DIDO1: variants seen among roughly 807,000 people sequenced by gnomAD.
The protein encoded by DIDO1 is death inducer-obliterator 1.
DIDO1 carries 16 observed loss-of-function variants against 99.4 expected under a neutral mutation model. The ratio of observed to expected loss-of-function variants is 0.16; its 90% CI spans 0.11 to 0.24. DIDO1 has a LOEUF of 0.24. Among genes scored for constraint, DIDO1 ranks in the 10% least tolerant of loss-of-function variants. The pLI is 1.00. For synonymous variants in DIDO1, 1,366 were observed against 1,239.1 expected, an observed-to-expected ratio of 1.10 and a Z score of -2.15; for missense variants, 2,996 against 3,014.0, an observed-to-expected ratio of 0.99 and a Z score of 0.14.
chr20:62,916,618 T>A (rs2065043086), intron 1 of DIDO1, among the ~76,000 whole-genome samples: 1 of 152,204 alleles, frequency 6.6e-6, no homozygotes. Context: ...GTGGCCCTGT[T>A]GTACATTTTT....
At chr20:62,903,293 A>C (rs1436765457) in intron 6 of DIDO1, among the ~76,000 whole-genome samples, 1 of 152,206 alleles carries the variant, frequency 6.6e-6, no homozygotes, top group Admixed American at 6.5e-5. Flanking sequence ...GTTGGACAGG[A>C]ACCCCCAGGT....
chr20:62,911,473 G>T lies in DIDO1; in HGVS notation c.140C>A (p.Pro47Gln). The T allele has an allele frequency of 1.2e-6, 2 of 1,612,350 alleles. No homozygotes were observed. The highest frequency in any genetic ancestry group is 1.7e-6 in the Non-Finnish European group (2 of 1,179,332). Residue 47 changes from proline (P) to glutamine (Q), a missense_variant, in exon 3 of 16, where the codon CCA becomes CAA. By Grantham distance (76) the Pro-to-Gln change is moderately conservative. Coordinates refer to ENST00000395343, the MANE Select transcript of DIDO1 (RefSeq NM_001193369.2). The surrounding 1 kb of genome is among the most constrained non-coding windows in gnomAD (Gnocchi z 7.0). ...CTGCTGTGGGGGTGGCGGCTCCAGT[G>T]GGTCAGCCTCCGCGTCCCCTGCGCC... Reference protein sequence around the residue: ...REGAGDAEADPLEPPPPQQQL... With the variant: ...REGAGDAEADQLEPPPPQQQL...
chr20:62,880,743 G>A lies in DIDO1; in HGVS notation c.5213C>T (p.Pro1738Leu), dbSNP rs140884757. 6 of 1,612,604 alleles carry A rather than the reference G, an allele frequency of 3.7e-6. No homozygotes were observed. The highest frequency in any genetic ancestry group is 2.2e-5 in the East Asian group (1 of 44,874). The change falls in exon 16 of 16, where the codon CCA (proline) becomes CTA (leucine). Residue 1738 changes from proline (P) to leucine (L), a missense_variant. Pro to Leu is a moderately conservative substitution (Grantham distance 98). This residue lies in a region of DIDO1 where 1,562 missense variants were observed against 1,412.6 expected (regional missense o/e 1.11). Coordinates refer to ENST00000395343, the MANE Select transcript of DIDO1 (RefSeq NM_001193369.2). ...AGAGCCCCCCACTTTCTGTCCTGGT[G>A]GGGGGAGCGGGGCGGTGCCCTCGCC... ...RPGEGTAPLP[P>L]PGQKVGGSQP...
chr20:62,924,695 C>A (rs1601038269), intron 1 of DIDO1, among the ~76,000 whole-genome samples: 1 of 152,208 alleles, frequency 6.6e-6, no homozygotes, highest in Non-Finnish European at 1.5e-5. Flanking sequence ...CCTAGACAAG[C>A]CTTTGCGAGG....
rs1288680710 is a variant in DIDO1, at chr20:62,880,391, G to A, written c.5565C>T (p.Phe1855=). ...RKDPHGEKRE[F]QDAPYNEVTG... is the part of the protein sequence containing the mutation. ...TCACCTCGTTATACGGGGCGTCCTG[G>A]AACTCCCTCTTCTCCCCATGGGGAT... Residue 1855 remains phenylalanine (F), a synonymous_variant, in exon 16 of 16, where the codon TTC becomes TTT. Coordinates refer to ENST00000395343, the MANE Select transcript of DIDO1 (RefSeq NM_001193369.2). 2.9e-5 allele frequency: 47 copies of A among 1,612,742 alleles called. No individual in the cohort carries two copies. In the Admixed American group the frequency reaches 7.8e-4, roughly 27 times the overall value.
Position 62,894,369 on chromosome 20 carries a change from G to A in DIDO1, c.2572+44C>T. The stretch of plus-strand genomic sequence containing the variant: ...GTTCAGTGATTTTTAACAAAATCAA[G>A]TTTAGTCTCAGCTCCAAGGCTCCAT... On this transcript the variant is annotated intron_variant, in intron 11 of 15. Coordinates refer to ENST00000395343, the MANE Select transcript of DIDO1 (RefSeq NM_001193369.2). This position sits in a 1 kb window ranked among gnomAD's most constrained non-coding sequence, Gnocchi z 4.4. The A allele has an allele frequency of 6.3e-7, 1 of 1,597,152 alleles. No homozygotes were observed. Among genetic ancestry groups the A allele is most frequent in the Non-Finnish European group, 8.5e-7 (1 of 1,172,864 alleles).
intron 6 of DIDO1, chr20:62,905,530 G>A: frequency 1.3e-6 from 2 of 1,551,032 alleles, no homozygotes; most frequent in Non-Finnish European, 1.7e-6. Context: ...AGACAGGGGT[G>A]GATGTGGCGT....
chr20:62,884,169 A>T (rs1432094366), intron 15 of DIDO1, among the ~76,000 whole-genome samples: 1 of 151,826 alleles, frequency 6.6e-6, no homozygotes, highest in Non-Finnish European at 1.5e-5. Flanking sequence ...CAGGTGGACG[A>T]CGCGCACTGG....
chr20:62,930,832 A>G (rs541763130), upstream of DIDO1, among the ~76,000 whole-genome samples: 9 of 152,392 alleles, frequency 5.9e-5, no homozygotes, highest in Non-Finnish European at 1.0e-4. Context: ...AACTGACAAC[A>G]ATATCCACAA....
At position 62,883,049 on chromosome 20, in the gene DIDO1, G is replaced by A. The variant is rs530866231; in HGVS notation, c.3542-635C>T. Among the ~76,000 whole-genome samples, 22 of 147,690 alleles carry A rather than the reference G, an allele frequency of 1.5e-4. No homozygotes were observed. The South Asian group carries it at 4.5e-3, about 30-fold the overall frequency. On this transcript the variant is annotated intron_variant, in intron 15 of 15. Transcript: ENST00000395343. The stretch of plus-strand genomic sequence containing the variant: ...GAGAATTCTCCTGTCTCAGCCTCCT[G>A]AGTAGCTGGGATTACAGGCATGCAC...
In DIDO1 at chr20:62,894,438, G is replaced by A. The variant is rs761209967; in HGVS notation, c.2547C>T (p.Phe849=). 90 of 1,612,914 alleles carry A rather than the reference G, an allele frequency of 5.6e-5. No individual in the cohort carries two copies. Among genetic ancestry groups the A allele is most frequent in the Admixed American group, 3.3e-5 (2 of 60,008 alleles). Residue 849 remains phenylalanine (F), a synonymous_variant, in exon 11 of 16, where the codon TTC becomes TTT. Coordinates refer to ENST00000395343, the MANE Select transcript of DIDO1 (RefSeq NM_001193369.2). This position sits in a 1 kb window ranked among gnomAD's most constrained non-coding sequence, Gnocchi z 4.4. The stretch of plus-strand genomic sequence containing the variant: ...CTGTGCAAATTTTACAGTTGAGATC[G>A]AAGAGGTGTGCGCGGTGCTGACTGG... ...DTTSQHRAHL[F]DLNCKICTGQ...
upstream of DIDO1, chr20:62,929,441 C>T (rs1485300137): frequency 6.6e-6 from 1 of 152,176 alleles, no homozygotes; most frequent in African/African-American, 2.4e-5. Flanking sequence ...TCTGCCGAGG[C>T]AGGATGGAGG....
chr20:62,888,944 T>TA (rs2064345178), intron 15 of DIDO1: 3 of 985,502 alleles, frequency 3.0e-6, no homozygotes, highest in Admixed American at 1.2e-4. Flanking sequence ...CACTAGCTGT[T>TA]ACTTTTCTAA....
chr20:62,886,941 A>C (rs1365119210), intron 15 of DIDO1, among the ~76,000 whole-genome samples: 1 of 152,210 alleles, frequency 6.6e-6, no homozygotes, highest in Non-Finnish European at 1.5e-5. Flanking sequence ...CCCTTGTTCC[A>C]ACTGGGAATC....
At position 62,882,011 on chromosome 20, in the gene DIDO1, C is replaced by T; in HGVS notation, c.3945G>A (p.Glu1315=). Residue 1315 remains glutamate (E), a synonymous_variant, in exon 16 of 16, where the codon GAG becomes GAA. Coordinates refer to ENST00000395343, the MANE Select transcript of DIDO1 (RefSeq NM_001193369.2). The part of the protein sequence containing the change: ...SSASKTASPL[E]HILQTLFGKK... ...TTCCAAAGAGAGTCTGCAGGATGTG[C>T]TCCAGCGGTGATGCTGTTTTGGAAG... 6.2e-7 allele frequency: 1 copy of T among 1,613,528 alleles called. No individual in the cohort carries two copies.
intron 15 of DIDO1, chr20:62,889,017 T>C (rs1447752198): frequency 8.1e-6 from 8 of 985,380 alleles, no homozygotes; most frequent in African/African-American, 5.2e-5. Flanking sequence ...TCAAAGTCCC[T>C]GGGGCTTTTG....
rs941478539 is a variant in DIDO1, at chr20:62,901,805, G to C, written c.1588+4082C>G. ...CTAAGAATATAACTATGTGTATGTTGATGTGTTAACAGAAAAAAAAAAAAA... is the reference window on the plus strand; with the variant it reads ...CTAAGAATATAACTATGTGTATGTTCATGTGTTAACAGAAAAAAAAAAAAA... On this transcript the variant is annotated intron_variant, in intron 6 of 15. Transcript: ENST00000395343. Among the ~76,000 whole-genome samples, 9 of 139,960 alleles carry C rather than the reference G, an allele frequency of 6.4e-5. 1 individual carries two copies. Among genetic ancestry groups the C allele is most frequent in the Admixed American group, 2.9e-4 (4 of 13,774 alleles). The allele number at this position is 139,960 out of a possible 152,430, so 91.8% of individuals were successfully genotyped here. A position where few individuals can be genotyped will look rare whatever the true frequency, so the allele number is the denominator to read the frequency against.
Position 62,911,686 on chromosome 20 carries a change from C to G in DIDO1, c.-2-72G>C. On this transcript the variant is annotated intron_variant, in intron 2 of 15. Transcript: ENST00000395343. The surrounding 1 kb of genome is among the most constrained non-coding windows in gnomAD (Gnocchi z 7.0). ...AAAGGTGACATTGCCGCCAAACACG[C>G]GCAGCAGGGGCCACCTCCCTACAAA... 1 of 1,384,228 alleles carries G rather than the reference C, an allele frequency of 7.2e-7. No individual in the cohort carries two copies. Among genetic ancestry groups the G allele is most frequent in the African/African-American group, 1.4e-5 (1 of 69,232 alleles). 85.7% of individuals were successfully genotyped at this position (1,384,228 alleles called of 1,614,324 possible).
chr20:62,912,470 G>A (rs1267087348), intron 2 of DIDO1, among the ~76,000 whole-genome samples: 2 of 150,688 alleles, frequency 1.3e-5, no homozygotes, highest in Non-Finnish European at 3.0e-5. Flanking sequence ...TCTGTCCCCA[G>A]GCTGGAGTTA....
Sources: allele counts gnomAD v4.1 joint callset (sites outside exome capture counted in the v4.1 genomes callset), GRCh38; gene constraint gnomAD v4.1.1; regional missense constraint gnomAD v4.1.1; non-coding constraint Gnocchi (gnomAD v3.1); transcripts MANE v1.5; gene names NCBI Gene and HGNC (gene_info 2026-07-23, HGNC 2026-07-21).